Variants in MACROD2 observed in about 807,000 individuals in gnomAD.
MACROD2 encodes mono-ADP ribosylhydrolase 2.
A neutral mutation model predicts 70.4 loss-of-function variants in MACROD2; 36 were observed. The ratio of observed to expected loss-of-function variants is 0.51; its 90% CI spans 0.39 to 0.68. MACROD2 has a LOEUF of 0.68. Among genes scored for constraint, MACROD2 ranks in the 30% least tolerant of loss-of-function variants. The pLI, the probability that MACROD2 is intolerant of heterozygous loss-of-function variation, is 0.00. For synonymous variants in MACROD2, 172 were observed against 178.8 expected (o/e 0.96, Z 0.30); for missense variants, 496 against 538.4 (o/e 0.92, Z 0.78).
chr20:16,045,166 G>A (rs1414735141), intron 17 of MACROD2, among the ~76,000 whole-genome samples: 1 of 152,076 alleles, frequency 6.6e-6, no homozygotes, highest in African/African-American at 2.4e-5. Flanking sequence ...TTGTTATGTT[G>A]AATGAGCTTC....
intron 2 of MACROD2, among the ~76,000 whole-genome samples, chr20:14,036,115 C>G (rs911385439): frequency 6.6e-6 from 1 of 151,242 alleles, no homozygotes; most frequent in Non-Finnish European, 1.5e-5. Context: ...GCACTCCAGC[C>G]TGGGTGACAG....
chr20:14,516,749 T>C (rs1433594101), intron 4 of MACROD2, among the ~76,000 whole-genome samples: 1 of 152,008 alleles, frequency 6.6e-6, no homozygotes, highest in Non-Finnish European at 1.5e-5. Flanking sequence ...GGCTCCAGCT[T>C]TGACAACCTA....
At chr20:14,299,312 G>GAA (rs1190144998) in intron 3 of MACROD2, among the ~76,000 whole-genome samples, 1 of 152,040 alleles carries the variant, frequency 6.6e-6, no homozygotes, top group Non-Finnish European at 1.5e-5. Context: ...TTTTTTAATT[G>GAA]AGATATATAC....
intron 6 of MACROD2, among the ~76,000 whole-genome samples, chr20:15,320,578 TCAC>T (rs1009239016): frequency 1.1e-4 from 17 of 152,284 alleles, no homozygotes; most frequent in African/African-American, 3.8e-4. Flanking sequence ...GATATAAATA[TCAC>T]CACAACAAAT....
chr20:14,085,428 G>A (rs2054064614), intron 2 of MACROD2, among the ~76,000 whole-genome samples, 193 bp from the exon 3 acceptor site: 1 of 151,952 alleles, frequency 6.6e-6, no homozygotes, highest in Non-Finnish European at 1.5e-5. Flanking sequence ...TTTTGTATGT[G>A]ATAGTGTGTT....
chr20:14,461,484 G>T (rs1402299685), intron 3 of MACROD2, among the ~76,000 whole-genome samples: 2 of 150,978 alleles, frequency 1.3e-5, no homozygotes, highest in Admixed American at 1.3e-4. Context: ...GAATTTGTTT[G>T]CTGTTACTTC....
chr20:15,279,340 C>G (rs550559335), intron 6 of MACROD2, among the ~76,000 whole-genome samples: 1 of 152,196 alleles, frequency 6.6e-6, no homozygotes, highest in African/African-American at 2.4e-5. Flanking sequence ...GCAGGAAAGC[C>G]GGGCTGCTTG....
intron 6 of MACROD2, among the ~76,000 whole-genome samples, chr20:15,335,258 T>G (rs921704826): frequency 6.6e-6 from 1 of 151,824 alleles, no homozygotes; most frequent in African/African-American, 2.4e-5. Flanking sequence ...TGCTTCACTC[T>G]TCTCTCATCA....
chr20:14,365,601 C>T (rs1305215741), intron 3 of MACROD2, among the ~76,000 whole-genome samples: 1 of 151,898 alleles, frequency 6.6e-6, no homozygotes, highest in Non-Finnish European at 1.5e-5. Flanking sequence ...TTCTAATCTC[C>T]ATTTCATTTA....
chr20:15,465,632 T>C (rs544852500), intron 7 of MACROD2, among the ~76,000 whole-genome samples: 22 of 152,366 alleles, frequency 1.4e-4, no homozygotes, highest in African/African-American at 5.1e-4. Context: ...GGGCTTCAAT[T>C]CTTCTCTAAG....
intron 5 of MACROD2, among the ~76,000 whole-genome samples, chr20:14,751,108 G>A (rs943357812): frequency 6.6e-6 from 1 of 152,090 alleles, no homozygotes; most frequent in African/African-American, 2.4e-5. Flanking sequence ...TCATACTGGT[G>A]GAAATAAGCA....
intron 2 of MACROD2, among the ~76,000 whole-genome samples, chr20:14,045,550 G>A (rs1024332457): frequency 2.6e-5 from 4 of 152,214 alleles, no homozygotes; most frequent in African/African-American, 9.6e-5. Context: ...TAACAGAAAA[G>A]TGAATTATCT....
chr20:15,391,769 G>T (rs2045796073), intron 6 of MACROD2, among the ~76,000 whole-genome samples: 1 of 152,082 alleles, frequency 6.6e-6, no homozygotes, highest in Non-Finnish European at 1.5e-5. Context: ...AAGTGAAAAG[G>T]CCTTCATCAC....
At chr20:15,406,450 T>A (rs2046002563) in intron 6 of MACROD2, among the ~76,000 whole-genome samples, 1 of 152,228 alleles carries the variant, frequency 6.6e-6, no homozygotes, top group Non-Finnish European at 1.5e-5. Flanking sequence ...TATGGATTAA[T>A]CATATTATAA....
At chr20:15,434,759 G>C (rs2046407167) in intron 7 of MACROD2, among the ~76,000 whole-genome samples, 2 of 152,144 alleles carry the variant, frequency 1.3e-5, no homozygotes, top group South Asian at 4.1e-4. Flanking sequence ...CAAAGATATG[G>C]AACCAACCTA....
intron 5 of MACROD2, among the ~76,000 whole-genome samples, chr20:15,086,617 T>C (rs1857828549): frequency 6.6e-6 from 1 of 152,196 alleles, no homozygotes; most frequent in African/African-American, 2.4e-5. Context: ...TACCCTTTAG[T>C]CTGTTCACTA....
At chr20:14,156,673 A>G (rs899035378) in intron 3 of MACROD2, among the ~76,000 whole-genome samples, 1 of 152,188 alleles carries the variant, frequency 6.6e-6, no homozygotes, top group African/African-American at 2.4e-5. Flanking sequence ...TATGTGAGTC[A>G]TCCATGTAAT....
intron 5 of MACROD2, among the ~76,000 whole-genome samples, chr20:15,217,273 A>G (rs919243449): frequency 1.3e-5 from 2 of 152,196 alleles, no homozygotes; most frequent in African/African-American, 4.8e-5. Flanking sequence ...AACTACGTAG[A>G]AGTACTAGTG....
chr20:14,833,184 T>G (rs1465604033), intron 5 of MACROD2, among the ~76,000 whole-genome samples: 1 of 152,148 alleles, frequency 6.6e-6, no homozygotes, highest in African/African-American at 2.4e-5. Flanking sequence ...TCCAAAGGAT[T>G]GGATGTTCAG....
Sources: allele counts gnomAD v4.1 joint callset (sites outside exome capture counted in the v4.1 genomes callset), GRCh38; gene constraint gnomAD v4.1.1; transcripts MANE v1.5; gene names NCBI Gene and HGNC (gene_info 2026-07-23, HGNC 2026-07-21).